Variants in KDM5A observed in about 807,000 individuals in gnomAD.
KDM5A encodes lysine-specific demethylase 5A.
In KDM5A, 42 loss-of-function variants were observed where a neutral mutation model predicts 193.5. That is an observed-to-expected ratio of 0.22 (90% CI 0.17 to 0.28). The LOEUF (loss-of-function observed/expected upper bound fraction) is 0.28. Among genes scored for constraint, KDM5A ranks in the 10% least tolerant of loss-of-function variants. KDM5A has a pLI of 1.00. For synonymous variants in KDM5A, 796 were observed against 718.1 expected (o/e 1.11, Z -1.73); for missense variants, 1,692 against 2,055.1 (o/e 0.82, Z 3.42).
chr12:300,271 C>A (rs12314497), intron 24 of KDM5A, among the ~76,000 whole-genome samples: 44,889 of 151,750 alleles, frequency 0.3, 6,845 homozygotes, highest in East Asian at 0.51. Context: ...AAAATTGACC[C>A]CATAATTGGA....
intron 27 of KDM5A, among the ~76,000 whole-genome samples, chr12:291,346 T>C (rs1343517114): frequency 6.6e-6 from 1 of 152,244 alleles, no homozygotes; most frequent in Non-Finnish European, 1.5e-5. Context: ...ATGTGTCATT[T>C]AGTTTTGGAA....
At chr12:352,928 T>C (rs1565543426) in intron 8 of KDM5A, among the ~76,000 whole-genome samples, 2 of 152,228 alleles carry the variant, frequency 1.3e-5, no homozygotes, top group South Asian at 4.1e-4. Flanking sequence ...TTCTCTTTAA[T>C]GTCCTATCAC....
chr12:354,239 T>TAA lies in KDM5A; in HGVS notation c.871-7_871-6dup. ...CATACAAACATAGAGATCAACCTGTTAAAAAAAAAATAAATGAAAGTCTAT... is the reference window on the plus strand; with the variant it reads ...CATACAAACATAGAGATCAACCTGTTAAAAAAAAAAAATAAATGAAAGTCTAT... On this transcript the variant is annotated splice_polypyrimidine_tract_variant and splice_region_variant and intron_variant, in intron 7 of 27. Transcript: ENST00000399788. 13 of 1,488,898 alleles carry TAA rather than the reference T, an allele frequency of 8.7e-6. No homozygotes were observed. Among genetic ancestry groups the TAA allele is most frequent in the African/African-American group, 2.8e-5 (2 of 71,178 alleles). The allele number at this position is 1,488,898 out of a possible 1,614,324, so 92.2% of individuals were successfully genotyped here. A position where few individuals can be genotyped will look rare whatever the true frequency, so the allele number is the denominator to read the frequency against.
rs1384051507 is a variant in KDM5A, at chr12:356,585, C to T, written c.673-48G>A. 7 of 1,215,830 alleles carry T rather than the reference C, an allele frequency of 5.8e-6. No homozygotes were observed. In the Admixed American group the frequency reaches 1.0e-4, roughly 18 times the overall value. The allele number at this position is 1,215,830 out of a possible 1,614,324, so 75.3% of individuals were successfully genotyped here. On this transcript the variant is annotated intron_variant, in intron 5 of 27. Coordinates refer to ENST00000399788, the MANE Select transcript of KDM5A (RefSeq NM_001042603.3). ...ATTAGCATAATCATGCTGATTCATG[C>T]ATTAATTTTTTTACCCAAGGAAAGT...
chr12:299,497 T>C (rs1943414684), intron 24 of KDM5A, among the ~76,000 whole-genome samples: 1 of 152,192 alleles, frequency 6.6e-6, no homozygotes, highest in Non-Finnish European at 1.5e-5. Context: ...AAGCAAGTGC[T>C]GAGAGATTTT....
chr12:374,945 G>A (rs966683877), intron 3 of KDM5A, among the ~76,000 whole-genome samples: 21 of 152,146 alleles, frequency 1.4e-4, no homozygotes, highest in African/African-American at 4.6e-4. Context: ...CGAGAGATCC[G>A]CTGTTAGTCT....
In KDM5A at chr12:284,068, T is replaced by C. The variant is rs1943187414; in HGVS notation, c.*1388A>G. 1.3e-5 allele frequency: 3 copies of C among 232,172 alleles called. No individual in the cohort carries two copies. The highest frequency in any genetic ancestry group is 2.2e-5 in the African/African-American group (1 of 45,070). The allele number at this position is 232,172 out of a possible 1,614,324, so 14.4% of individuals were successfully genotyped here. A position where few individuals can be genotyped will look rare whatever the true frequency, so the allele number is the denominator to read the frequency against. On this transcript the variant is annotated 3_prime_UTR_variant, in exon 28 of 28. Coordinates refer to ENST00000399788, the MANE Select transcript of KDM5A (RefSeq NM_001042603.3). ...ATATGAACAAAAGCAAAATGGAAGA[T>C]CTGGTCAGGCTGGGATGGAGGAGGG...
intron 27 of KDM5A, among the ~76,000 whole-genome samples, chr12:288,191 G>T (rs1193553220): frequency 2.6e-5 from 4 of 152,140 alleles, no homozygotes; most frequent in African/African-American, 9.7e-5. Context: ...ACTAAAGTTT[G>T]GGATGTCAAC....
intron 3 of KDM5A, among the ~76,000 whole-genome samples, chr12:381,183 G>C (rs542479590): frequency 6.6e-6 from 1 of 151,988 alleles, no homozygotes; most frequent in Admixed American, 6.6e-5. Context: ...TAGTAGAGAC[G>C]AGGTTTCTCC....
intron 27 of KDM5A, among the ~76,000 whole-genome samples, chr12:291,323 A>C (rs7954277): frequency 6.6e-6 from 1 of 152,184 alleles, no homozygotes; most frequent in Non-Finnish European, 1.5e-5. Context: ...CCCCTAATAC[A>C]TCTCATTTAA....
chr12:321,624 A>G (rs556297253), intron 17 of KDM5A, among the ~76,000 whole-genome samples: 58 of 152,392 alleles, frequency 3.8e-4, no homozygotes, highest in African/African-American at 1.3e-3. Context: ...AAAAATTTAC[A>G]AAGTAATTTA....
Position 291,605 on chromosome 12 carries a change from A to G in KDM5A, c.4866+1154T>C, listed in dbSNP as rs189510730. Among the ~76,000 whole-genome samples, 448 of 152,360 alleles carry G rather than the reference A, an allele frequency of 2.9e-3. 2 individuals are homozygous for G. The highest frequency in any genetic ancestry group is 0.01 in the African/African-American group (430 of 41,582). ...AGTATTTCATTGAAAAAGTGAGGGCATAACCTATAGGGAACAGTGATGCAG... is the reference window on the plus strand; with the variant it reads ...AGTATTTCATTGAAAAAGTGAGGGCGTAACCTATAGGGAACAGTGATGCAG... On this transcript the variant is annotated intron_variant, in intron 27 of 27. Coordinates refer to ENST00000399788, the MANE Select transcript of KDM5A (RefSeq NM_001042603.3).
At chr12:286,628 A>G (rs562552679) in intron 27 of KDM5A, among the ~76,000 whole-genome samples, 3 of 152,334 alleles carry the variant, frequency 2.0e-5, no homozygotes, top group African/African-American at 7.2e-5. Flanking sequence ...AGTAAGGAAT[A>G]GAAAGGGATC....
At position 283,547 on chromosome 12, in the gene KDM5A, T is replaced by C. The variant is rs138050408; in HGVS notation, c.*1909A>G. 2.3e-3 allele frequency: 530 copies of C among 232,996 alleles called. 2 individuals carry two copies. The highest frequency in any genetic ancestry group is 0.01 in the Middle Eastern group (8 of 782). 14.4% of individuals were successfully genotyped at this position (232,996 alleles called of 1,614,324 possible). On this transcript the variant is annotated 3_prime_UTR_variant, in exon 28 of 28. Coordinates refer to ENST00000399788, the MANE Select transcript of KDM5A (RefSeq NM_001042603.3). ...AGAAATTGGATTTTATAAGAAAACA[T>C]CTTTTTTTTTGTAAGATTCCTTTTG... is the stretch of plus-strand genomic sequence containing the variant.
At chr12:308,050 C>A (rs375714742) in intron 22 of KDM5A, 45 bp from the exon 23 acceptor site, 2 of 1,557,138 alleles carry the variant, frequency 1.3e-6, no homozygotes, top group South Asian at 1.1e-5. Context: ...CTGCAATATA[C>A]CCCCCAAAAT....
At position 332,347 on chromosome 12, in the gene KDM5A, C is replaced by A. The variant is rs546472521; in HGVS notation, c.1654-409G>T. 7.9e-5 allele frequency among the ~76,000 whole-genome samples: 12 copies of A among 152,296 alleles called. No individual in the cohort carries two copies. In the East Asian group the frequency reaches 2.3e-3, roughly 29 times the overall value. On this transcript the variant is annotated intron_variant, in intron 12 of 27. Transcript: ENST00000399788. ...AAATTAACTCACATGGCATATGAGA[C>A]ATCCCCAATGAGATGTCCCCAAAAT...
intron 7 of KDM5A, among the ~76,000 whole-genome samples, chr12:354,463 C>A (rs1371556756): frequency 6.6e-6 from 1 of 152,026 alleles, no homozygotes; most frequent in Admixed American, 6.6e-5. Context: ...AAAGGTGTAT[C>A]AAGTTGTTAG....
intron 3 of KDM5A, among the ~76,000 whole-genome samples, chr12:378,279 T>C (rs1159261009): frequency 1.3e-5 from 2 of 152,128 alleles, no homozygotes; most frequent in African/African-American, 4.8e-5. Flanking sequence ...AGCCCCCTTT[T>C]TTTTTTAAAG....
At chr12:348,679 C>T (rs974797253) in intron 10 of KDM5A, among the ~76,000 whole-genome samples, 2 of 151,740 alleles carry the variant, frequency 1.3e-5, no homozygotes, top group African/African-American at 2.4e-5. Context: ...CCAAAAACCA[C>T]GTGTTCTCAC....
Sources: allele counts gnomAD v4.1 joint callset (sites outside exome capture counted in the v4.1 genomes callset), GRCh38; gene constraint gnomAD v4.1.1; transcripts MANE v1.5; gene names NCBI Gene and HGNC (gene_info 2026-07-23, HGNC 2026-07-21).